PPIG: variants seen among roughly 807,000 people sequenced by gnomAD.
The protein encoded by PPIG is peptidyl-prolyl cis-trans isomerase G.
Under a neutral mutation model 87.9 loss-of-function variants are expected in PPIG, and 26 were observed. That is an observed-to-expected ratio of 0.30 (90% CI 0.22 to 0.41). The LOEUF is 0.41. PPIG is among the 10% of genes least tolerant of loss of function. The pLI is 1.00. For missense variants in PPIG, 722 were observed against 879.4 expected, an observed-to-expected ratio of 0.82 and a Z score of 2.26; for synonymous variants, 308 against 276.5, an observed-to-expected ratio of 1.11 and a Z score of -1.13.
chr2:169,600,417 C>A (rs1000278307), intron 1 of PPIG, among the ~76,000 whole-genome samples: 2 of 152,158 alleles, frequency 1.3e-5, no homozygotes, highest in African/African-American at 4.8e-5. Flanking sequence ...TAGTTGAGTA[C>A]CTCTTACCCA....
At chr2:169,626,810 A>G (rs974726310) in intron 9 of PPIG, among the ~76,000 whole-genome samples, 4 of 152,124 alleles carry the variant, frequency 2.6e-5, no homozygotes, top group South Asian at 2.1e-4. Flanking sequence ...CCTAGGTTCA[A>G]GTGATTCTCA....
chr2:169,589,863 A>G (rs943111314), intron 1 of PPIG, among the ~76,000 whole-genome samples: 4 of 152,154 alleles, frequency 2.6e-5, no homozygotes, highest in Non-Finnish European at 5.9e-5. Flanking sequence ...TAATCCCAAC[A>G]CTTTGGGAGG....
At chr2:169,635,638 T>C (rs1281104121) in intron 12 of PPIG, among the ~76,000 whole-genome samples, 1 of 152,196 alleles carries the variant, frequency 6.6e-6, no homozygotes, top group Non-Finnish European at 1.5e-5. Flanking sequence ...ATCTACACAT[T>C]TACTCTGTTT....
At chr2:169,607,303 C>G (rs1369074180) in intron 6 of PPIG, among the ~76,000 whole-genome samples, 155 bp downstream of exon 6, 1 of 151,982 alleles carries the variant, frequency 6.6e-6, no homozygotes, top group Non-Finnish European at 1.5e-5. Context: ...AAAAAAATTG[C>G]TTTTTATACA....
At position 169,632,018 on chromosome 2, in the gene PPIG, A is replaced by G. The variant is rs1216021303; in HGVS notation, c.929+85A>G. On this transcript the variant is annotated intron_variant, in intron 11 of 13. Coordinates refer to ENST00000260970, the MANE Select transcript of PPIG (RefSeq NM_004792.3). ...AGTTATTTATTTTAAACAAGATTTAATTGGTGACCTTGTCCCAAGATTGAA... is the reference window on the plus strand; with the variant it reads ...AGTTATTTATTTTAAACAAGATTTAGTTGGTGACCTTGTCCCAAGATTGAA... 9.7e-6 allele frequency: 13 copies of G among 1,334,724 alleles called. No homozygotes were observed. In the African/African-American group the frequency reaches 1.7e-4, roughly 17 times the overall value. 82.7% of individuals were successfully genotyped at this position (1,334,724 alleles called of 1,614,324 possible).
intron 7 of PPIG, among the ~76,000 whole-genome samples, chr2:169,612,379 ATTTTT>A (rs57752220): frequency 7.1e-4 from 76 of 106,710 alleles, no homozygotes; most frequent in East Asian, 2.0e-3. Flanking sequence ...TCAGAACTCC[ATTTTT>A]TTTTTTTTTT....
chr2:169,629,705 CTG>C (rs1685986414), intron 9 of PPIG, among the ~76,000 whole-genome samples: 1 of 152,172 alleles, frequency 6.6e-6, no homozygotes, highest in African/African-American at 2.4e-5. Flanking sequence ...CAAGTTGTCT[CTG>C]TGTTTTGCAG....
chr2:169,616,291 A>G (rs904354451), intron 9 of PPIG, among the ~76,000 whole-genome samples: 1 of 152,172 alleles, frequency 6.6e-6, no homozygotes, highest in African/African-American at 2.4e-5. Flanking sequence ...TATTTTGAAT[A>G]GTGCTGCAGT....
At chr2:169,629,759 A>G (rs185348282) in intron 9 of PPIG, among the ~76,000 whole-genome samples, 30 of 152,324 alleles carry the variant, frequency 2.0e-4, no homozygotes, top group African/African-American at 7.2e-4. Flanking sequence ...TTGTAAAACG[A>G]TATTTTAACA....
chr2:169,595,516 A>T (rs76187800), intron 1 of PPIG, among the ~76,000 whole-genome samples: 5,185 of 152,188 alleles, frequency 0.034, 289 homozygotes, highest in African/African-American at 0.12. Context: ...TTGATTCTTA[A>T]CTATTTTTTT....
At chr2:169,607,221 A>G (rs1262220721) in intron 6 of PPIG, 73 bp downstream of exon 6, 2 of 973,276 alleles carry the variant, frequency 2.1e-6, no homozygotes, top group Non-Finnish European at 3.1e-6. Context: ...TATGGAATCA[A>G]TAACATTATT....
At chr2:169,601,098 A>G (rs1235306233) in intron 1 of PPIG, among the ~76,000 whole-genome samples, 1 of 152,140 alleles carries the variant, frequency 6.6e-6, no homozygotes, top group African/African-American at 2.4e-5. Context: ...TGTACAATTT[A>G]CTTTTTTGTT....
chr2:169,614,422 TCTGA>T (rs773266695), intron 7 of PPIG, 38 bp from the exon 8 acceptor site: 6 of 1,495,506 alleles, frequency 4.0e-6, no homozygotes, highest in Non-Finnish European at 5.5e-6. Flanking sequence ...TTTGTTTTTC[TCTGA>T]CTTTGTTTTT....
intron 12 of PPIG, among the ~76,000 whole-genome samples, chr2:169,635,551 CAT>C (rs1326906527): frequency 6.6e-6 from 1 of 152,180 alleles, no homozygotes; most frequent in Admixed American, 6.5e-5. Flanking sequence ...AAAGCACACT[CAT>C]ATATCTTGGC....
intron 9 of PPIG, among the ~76,000 whole-genome samples, chr2:169,625,884 A>G (rs941464339): frequency 2.0e-5 from 3 of 152,108 alleles, no homozygotes; most frequent in Admixed American, 6.6e-5. Flanking sequence ...CTCAGCCTAG[A>G]TCCCTCGTAT....
rs187973795 is a variant in PPIG at position 169,628,422 on chromosome 2, T to A, written c.548-2352T>A. On this transcript the variant is annotated intron_variant, in intron 9 of 13. Coordinates refer to ENST00000260970, the MANE Select transcript of PPIG (RefSeq NM_004792.3). ...AGTACTGGAAAAGCAGTCTGCACAGTGAACCAGAAGTCCTTGGTCAAGTAC... is the reference window on the plus strand; with the variant it reads ...AGTACTGGAAAAGCAGTCTGCACAGAGAACCAGAAGTCCTTGGTCAAGTAC... Among the ~76,000 whole-genome samples the A allele has an allele frequency of 6.6e-5, 10 of 152,340 alleles. No individual in the cohort carries two copies. The East Asian group carries it at 1.9e-3, about 29-fold the overall frequency.
chr2:169,597,940 A>G (rs2353195), intron 1 of PPIG, among the ~76,000 whole-genome samples: 61,362 of 151,068 alleles, frequency 0.41, 13,104 homozygotes, highest in East Asian at 0.59. Context: ...TGGTGTTTCA[A>G]TCCTTCTGCC....
intron 7 of PPIG, among the ~76,000 whole-genome samples, chr2:169,611,828 C>T (rs1269827618): frequency 6.6e-6 from 1 of 151,972 alleles, no homozygotes; most frequent in Non-Finnish European, 1.5e-5. Context: ...CGTAGGTAAC[C>T]CTTCTTCTGT....
intron 1 of PPIG, among the ~76,000 whole-genome samples, chr2:169,587,660 G>C (rs1207561056): frequency 2.0e-5 from 3 of 152,138 alleles, no homozygotes; most frequent in Admixed American, 6.5e-5. Context: ...TTTCTGTAGG[G>C]AAAAACTTGC....
Sources: allele counts gnomAD v4.1 joint callset (sites outside exome capture counted in the v4.1 genomes callset), GRCh38; gene constraint gnomAD v4.1.1; transcripts MANE v1.5; gene names NCBI Gene and HGNC (gene_info 2026-07-23, HGNC 2026-07-21).